Variants in ANKRD12 observed in about 807,000 individuals in gnomAD.
ANKRD12 encodes the protein ankyrin repeat domain 12, also known as ankyrin repeat domain-containing protein 12.
Under a neutral mutation model 183.4 loss-of-function variants are expected in ANKRD12, and 85 were observed. The observed-to-expected ratio is 0.46, with a 90% CI of 0.39 to 0.56. ANKRD12 has a LOEUF of 0.56. Ranked by LOEUF, ANKRD12 falls within the 20% of genes least tolerant of loss-of-function variation. The pLI is 0.00. For synonymous variants in ANKRD12, 914 were observed against 800.2 expected (o/e 1.14, Z -2.40); for missense variants, 2,405 against 2,357.1 (o/e 1.02, Z -0.42).
intron 1 of ANKRD12, among the ~76,000 whole-genome samples, chr18:9,180,778 T>C (rs1014409007): frequency 6.6e-6 from 1 of 152,208 alleles, no homozygotes; most frequent in Non-Finnish European, 1.5e-5. Context: ...TGTAAGCTTT[T>C]CCTTACATAG....
At chr18:9,187,428 A>G (rs2034160453) in intron 2 of ANKRD12, among the ~76,000 whole-genome samples, 1 of 152,110 alleles carries the variant, frequency 6.6e-6, no homozygotes, top group African/African-American at 2.4e-5. Context: ...ATTTTTTTTT[A>G]ACAGTTCTCT....
intron 2 of ANKRD12, among the ~76,000 whole-genome samples, chr18:9,186,486 G>A (rs72937255): frequency 0.013 from 2,054 of 152,244 alleles, 19 homozygotes; most frequent in Non-Finnish European, 0.019. Flanking sequence ...GGCAACATGC[G>A]CTGTACTTAA....
At chr18:9,143,099 C>T (rs1281831232) in intron 1 of ANKRD12, among the ~76,000 whole-genome samples, 1 of 152,140 alleles carries the variant, frequency 6.6e-6, no homozygotes, top group East Asian at 1.9e-4. Flanking sequence ...TTGGAAGTTA[C>T]TTGGTAATCA....
At chr18:9,178,555 A>C (rs945389785) in intron 1 of ANKRD12, among the ~76,000 whole-genome samples, 2 of 152,086 alleles carry the variant, frequency 1.3e-5, no homozygotes, top group African/African-American at 2.4e-5. Flanking sequence ...TATCTTTGTT[A>C]GTAACTATGG....
chr18:9,154,272 A>G (rs1212923334), intron 1 of ANKRD12, among the ~76,000 whole-genome samples: 2 of 152,276 alleles, frequency 1.3e-5, no homozygotes, highest in East Asian at 3.9e-4. Context: ...AAATACAAAA[A>G]TTAGATGGAT....
In ANKRD12 at chr18:9,255,971, A is replaced by G. The variant is rs757931647; in HGVS notation, c.2704A>G (p.Lys902Glu). Reference sequence around the variant, plus strand: ...TATTAAAAAAACTGACGACAGAGAGAAAAGTAGAGAAAAGATGGATAGGAA... The same window carrying G: ...TATTAAAAAAACTGACGACAGAGAGGAAAGTAGAGAAAAGATGGATAGGAA... Reference protein sequence around the residue: ...AAIKKTDDREKSREKMDRKHD... With the variant: ...AAIKKTDDREESREKMDRKHD... Residue 902 changes from lysine (K) to glutamate (E), a missense_variant, in exon 9 of 13, where the codon AAA becomes GAA. Around this residue, in one of 7 missense-constraint regions of ANKRD12, gnomAD observed 1,983 missense variants for 1,725.9 expected, o/e 1.15. Transcript: ENST00000262126. 3.9e-5 allele frequency: 61 copies of G among 1,573,988 alleles called. No homozygotes were observed. Among genetic ancestry groups the G allele is most frequent in the Non-Finnish European group, 5.0e-5 (59 of 1,168,652 alleles).
chr18:9,160,189 C>T (rs567960729), intron 1 of ANKRD12, among the ~76,000 whole-genome samples: 2 of 152,138 alleles, frequency 1.3e-5, no homozygotes, highest in African/African-American at 4.8e-5. Flanking sequence ...GATCACAGCT[C>T]AGTGCAACCT....
chr18:9,247,282 T>A (rs1020420108), intron 8 of ANKRD12, among the ~76,000 whole-genome samples: 40 of 148,468 alleles, frequency 2.7e-4, no homozygotes, highest in African/African-American at 9.5e-4. Context: ...AGTTTGAGAC[T>A]AACCTGGGCA....
chr18:9,206,958 C>T (rs540076090), intron 4 of ANKRD12, among the ~76,000 whole-genome samples: 1 of 152,058 alleles, frequency 6.6e-6, no homozygotes, highest in South Asian at 2.1e-4. Flanking sequence ...CCTCTAATTA[C>T]TAGATTTTAT....
chr18:9,211,774 A>G lies in ANKRD12; in HGVS notation c.642A>G (p.Lys214=), dbSNP rs1394119355. 1.2e-6 allele frequency: 2 copies of G among 1,613,216 alleles called. No individual in the cohort carries two copies. Among genetic ancestry groups the G allele is most frequent in the Non-Finnish European group, 1.7e-6 (2 of 1,179,536 alleles). The change falls in exon 6 of 13, where the codon AAA becomes AAG. Residue 214 remains lysine, a synonymous_variant. Transcript: ENST00000262126. The stretch of plus-strand genomic sequence containing the variant: ...GTTTAGGGGCAAATGTGAATGTGAA[A>G]GATTTTGCAGGTAAGACTAGTAATT... ...LISLGANVNV[K]DFAGWTPLHE...
intron 1 of ANKRD12, among the ~76,000 whole-genome samples, chr18:9,157,556 T>TATGTGG (rs1260976158): frequency 2.9e-4 from 25 of 86,658 alleles, no homozygotes; most frequent in African/African-American, 1.5e-3. Context: ...TGTGGGTGTG[T>TATGTGG]GTGTGTGTGT....
At chr18:9,203,194 C>G (rs2035275906) in intron 3 of ANKRD12, among the ~76,000 whole-genome samples, 1 of 152,128 alleles carries the variant, frequency 6.6e-6, no homozygotes, top group African/African-American at 2.4e-5. Flanking sequence ...CCATTCAGCC[C>G]ATTTACCTGT....
intron 7 of ANKRD12, among the ~76,000 whole-genome samples, chr18:9,217,988 C>T (rs899315947): frequency 5.9e-5 from 9 of 152,220 alleles, no homozygotes; most frequent in Middle Eastern, 3.4e-3. Context: ...GGGTACATTG[C>T]CCTTTCCTTT....
At chr18:9,167,269 T>C (rs929225861) in intron 1 of ANKRD12, among the ~76,000 whole-genome samples, 7 of 152,228 alleles carry the variant, frequency 4.6e-5, no homozygotes, top group African/African-American at 1.7e-4. Context: ...CATTGGTAGC[T>C]TGATGGGGAT....
chr18:9,148,771 A>G (rs1186122001), intron 1 of ANKRD12, among the ~76,000 whole-genome samples: 1 of 152,146 alleles, frequency 6.6e-6, no homozygotes, highest in Non-Finnish European at 1.5e-5. Flanking sequence ...TCCATCTTCC[A>G]GAGTTTCACC....
chr18:9,222,818 G>A (rs2036496240), intron 8 of ANKRD12, among the ~76,000 whole-genome samples: 1 of 152,056 alleles, frequency 6.6e-6, no homozygotes, highest in Admixed American at 6.5e-5. Flanking sequence ...ACATGGAAAG[G>A]CAATTGAAAG....
intron 10 of ANKRD12, among the ~76,000 whole-genome samples, chr18:9,269,127 A>G (rs2039462011): frequency 6.6e-6 from 1 of 152,232 alleles, no homozygotes; most frequent in Non-Finnish European, 1.5e-5. Context: ...AAGAGGATAC[A>G]AACAAATAGA....
chr18:9,187,940 A>G (rs1044477089), intron 2 of ANKRD12, among the ~76,000 whole-genome samples: 1 of 152,156 alleles, frequency 6.6e-6, no homozygotes, highest in South Asian at 2.1e-4. Flanking sequence ...TTTTTCTTTT[A>G]TTATCCAAGT....
At chr18:9,176,673 T>G (rs1001976314) in intron 1 of ANKRD12, among the ~76,000 whole-genome samples, 3 of 152,216 alleles carry the variant, frequency 2.0e-5, no homozygotes, top group African/African-American at 7.2e-5. Context: ...CAAATGATGT[T>G]TAGTTTACAC....
Sources: gnomAD v4.1 joint callset for allele counts (sites outside exome capture counted in the v4.1 genomes callset) on GRCh38, gnomAD v4.1.1 for gene constraint, gnomAD v4.1.1 regional missense constraint, MANE v1.5 for transcripts, NCBI Gene and HGNC (gene_info 2026-07-23, HGNC 2026-07-21) for gene names.